CDK18: variants seen among roughly 807,000 people sequenced by gnomAD.
The protein encoded by CDK18 is cyclin-dependent kinase 18.
A neutral mutation model predicts 62.0 loss-of-function variants in CDK18; 52 were observed. That is an observed-to-expected ratio of 0.84 (90% CI 0.67 to 1.06). The LOEUF (loss-of-function observed/expected upper bound fraction) is 1.06, where lower values mean the gene tolerates loss of function less well. CDK18 is among the 50% of genes least tolerant of loss of function. The pLI is 0.00. For synonymous variants in CDK18, 237 were observed against 247.0 expected (o/e 0.96, Z 0.38); for missense variants, 604 against 619.9 (o/e 0.97, Z 0.27).
chr1:205,505,330 G>A (rs1020008402), intron 1 of CDK18, among the ~76,000 whole-genome samples: 7 of 152,190 alleles, frequency 4.6e-5, no homozygotes, highest in Non-Finnish European at 7.3e-5. Flanking sequence ...CAGGCAGGGG[G>A]TGGGAGGCCG....
At chr1:205,524,042 C>T (rs1422753913) in intron 3 of CDK18, among the ~76,000 whole-genome samples, 190 bp from the exon 4 acceptor site, 1 of 152,184 alleles carries the variant, frequency 6.6e-6, no homozygotes, top group Non-Finnish European at 1.5e-5. Flanking sequence ...ACACAGCAGC[C>T]CCGGGTGTTC....
At chr1:205,521,994 T>C (rs914689672) in intron 1 of CDK18, among the ~76,000 whole-genome samples, 10 of 151,734 alleles carry the variant, frequency 6.6e-5, no homozygotes, top group African/African-American at 2.4e-4. Context: ...CCAGCATGGG[T>C]GGAAGCCCTT....
At chr1:205,526,485 C>T (rs201306253) in intron 7 of CDK18, 24 bp downstream of exon 7, 16 of 1,564,014 alleles carry the variant, frequency 1.0e-5, no homozygotes, top group East Asian at 9.0e-5. Flanking sequence ...TGGGGCTGGC[C>T]GCCTCTCCCT....
intron 5 of CDK18, 145 bp from the exon 6 acceptor site, chr1:205,525,920 C>T (rs1668399981): frequency 1.6e-6 from 1 of 619,904 alleles, no homozygotes; most frequent in Non-Finnish European, 2.9e-6. Flanking sequence ...AGGAAGTAGG[C>T]TTTGGAGGAA....
At chr1:205,523,104 G>A in intron 1 of CDK18, 43 bp from the exon 2 acceptor site, 1 of 1,553,036 alleles carries the variant, frequency 6.4e-7, no homozygotes, top group Non-Finnish European at 8.7e-7. Context: ...TGGACTGGTT[G>A]CCTTGTTCTT....
intron 4 of CDK18, 62 bp from the exon 5 acceptor site, chr1:205,525,077 G>A (rs907152898): frequency 2.4e-5 from 28 of 1,151,306 alleles, no homozygotes; most frequent in Non-Finnish European, 3.1e-5. Flanking sequence ...TGGGGGAGGC[G>A]TCATGTCTGT....
chr1:205,510,726 C>G (rs1001155333), intron 1 of CDK18, among the ~76,000 whole-genome samples: 1 of 152,272 alleles, frequency 6.6e-6, no homozygotes, highest in South Asian at 2.1e-4. Context: ...CCTCAGTGGC[C>G]TCGGGCAGAT....
rs577095057 is a variant in CDK18 at position 205,529,360 on chromosome 1, C to A, written c.1109C>A (p.Ala370Asp). The change falls in exon 12 of 16, where the codon GCC becomes GAC. Residue 370 changes from alanine (A) to aspartate (D), a missense_variant. Ala to Asp is a moderately radical substitution (Grantham distance 126, BLOSUM62 -2). Coordinates refer to ENST00000429964, the MANE Select transcript of CDK18 (RefSeq NM_212502.3). ...GAAGAGACGTGGCCCGGCGTGACCG[C>A]CTTCTCTGAGTTCCGCACCTACAGC... is the stretch of plus-strand genomic sequence containing the variant. ...PTEETWPGVT[A>D]FSEFRTYSFP... 2.8e-5 allele frequency: 46 copies of A among 1,614,042 alleles called. 1 individual carries two copies. The South Asian group carries it at 5.1e-4, about 18-fold the overall frequency.
chr1:205,508,974 C>T (rs1321047580), intron 1 of CDK18, among the ~76,000 whole-genome samples: 5 of 151,234 alleles, frequency 3.3e-5, no homozygotes, highest in Admixed American at 6.6e-5. Context: ...CATGATGAAA[C>T]CCTGTTTCTC....
At chr1:205,512,052 AAC>A (rs1323697655) in intron 1 of CDK18, among the ~76,000 whole-genome samples, 6 of 152,098 alleles carry the variant, frequency 3.9e-5, no homozygotes, top group Non-Finnish European at 8.8e-5. Context: ...TCCAAAAGAA[AAC>A]ACACACACAC....
Position 205,526,072 on chromosome 1 carries a change from A to C in CDK18, c.464A>C (p.Tyr155Ser). ...TGTGGCCCTCCATCCCAGGGCACCT[A>C]TGCCACAGTCTTCAAAGGGCGCAGC... ...VKLDKLGEGT[Y>S]ATVFKGRSKL... The change falls in exon 6 of 16, where the codon TAT becomes TCT. Residue 155 changes from tyrosine to serine, a missense_variant. Coordinates refer to ENST00000429964, the MANE Select transcript of CDK18 (RefSeq NM_212502.3). The C allele has an allele frequency of 6.2e-7, 1 of 1,612,338 alleles. No individual in the cohort carries two copies. The highest frequency in any genetic ancestry group is 8.5e-7 in the Non-Finnish European group (1 of 1,179,176).
chr1:205,510,562 C>T (rs1667522155), intron 1 of CDK18, among the ~76,000 whole-genome samples: 1 of 152,180 alleles, frequency 6.6e-6, no homozygotes. Flanking sequence ...TGGCATGGCT[C>T]CTTCCCAAGG....
At chr1:205,529,131 AG>A (rs912875767) in intron 11 of CDK18, 35 bp downstream of exon 11, 2 of 1,524,528 alleles carry the variant, frequency 1.3e-6, no homozygotes, top group East Asian at 2.4e-5. Context: ...TCTCACCACC[AG>A]GGGGCGCCGG....
chr1:205,512,188 G>A (rs534688110), intron 1 of CDK18, among the ~76,000 whole-genome samples: 3 of 152,348 alleles, frequency 2.0e-5, no homozygotes, highest in South Asian at 2.1e-4. Context: ...ATCAGCACGC[G>A]GGTGGTGGTT....
At position 205,527,136 on chromosome 1, in the gene CDK18, G is replaced by C. The variant is rs993401187; in HGVS notation, c.729+299G>C. The C allele has an allele frequency of 1.7e-5, 7 of 411,388 alleles. No homozygotes were observed. In the East Asian group the frequency reaches 2.1e-4, roughly 12 times the overall value. 25.5% of individuals were successfully genotyped at this position (411,388 alleles called of 1,614,324 possible). On this transcript the variant is annotated intron_variant, in intron 8 of 15. Coordinates refer to ENST00000429964, the MANE Select transcript of CDK18 (RefSeq NM_212502.3). This position sits in a 1 kb window ranked among gnomAD's most constrained non-coding sequence, Gnocchi z 4.1. ...AGTGTGAGCTACCTGCCAAAATGCAGGGAGGCTTCTGGGGAAGCTCGGGGT... is the reference window on the plus strand; with the variant it reads ...AGTGTGAGCTACCTGCCAAAATGCACGGAGGCTTCTGGGGAAGCTCGGGGT...
intron 13 of CDK18, chr1:205,529,898 T>G: frequency 7.3e-7 from 1 of 1,367,618 alleles, no homozygotes; most frequent in South Asian, 1.5e-5. Flanking sequence ...ACACACTTAG[T>G]GTGGTGCCTG....
rs1179733799 is a variant in CDK18 at position 205,531,525 on chromosome 1, G to A, written c.*147G>A. Reference sequence around the variant, plus strand: ...ACCGCTTGGCAGCCCTTCTGGCCACGGCTGTTTCTTCTTTGTGCTTCCCGT... The same window carrying A: ...ACCGCTTGGCAGCCCTTCTGGCCACAGCTGTTTCTTCTTTGTGCTTCCCGT... On this transcript the variant is annotated 3_prime_UTR_variant, in exon 16 of 16. Transcript: ENST00000429964. The A allele has an allele frequency of 7.0e-6, 5 of 714,216 alleles. No individual in the cohort carries two copies. Among genetic ancestry groups the A allele is most frequent in the African/African-American group, 3.5e-5 (2 of 57,110 alleles). 44.2% of individuals were successfully genotyped at this position (714,216 alleles called of 1,614,324 possible). A position where few individuals can be genotyped will look rare whatever the true frequency, so the allele number is the denominator to read the frequency against.
chr1:205,518,997 C>T (rs1667975926), intron 1 of CDK18, among the ~76,000 whole-genome samples: 1 of 152,194 alleles, frequency 6.6e-6, no homozygotes, highest in Non-Finnish European at 1.5e-5. Flanking sequence ...CCTCCACCCC[C>T]CACTGCCGGG....
rs1667817476 is a variant in CDK18, at chr1:205,516,362, C to CTA, written c.-21-6784_-21-6783insAT. On this transcript the variant is annotated intron_variant, in intron 1 of 15. Coordinates refer to ENST00000429964, the MANE Select transcript of CDK18 (RefSeq NM_212502.3). The surrounding 1 kb of genome is among the most constrained non-coding windows in gnomAD (Gnocchi z 4.8). ...TGGGAGATAGGGTGTCATAGGGATC[C>CTA]TGGCTGGTGGTCAGCCTTCGTGACT... 6.6e-6 allele frequency among the ~76,000 whole-genome samples: 1 copy of CTA among 152,160 alleles called. No homozygotes were observed. The highest frequency in any genetic ancestry group is 1.5e-5 in the Non-Finnish European group (1 of 68,010).
Sources: gnomAD v4.1 joint callset for allele counts (sites outside exome capture counted in the v4.1 genomes callset) on GRCh38, gnomAD v4.1.1 for gene constraint, Gnocchi (gnomAD v3.1) non-coding constraint, MANE v1.5 for transcripts, NCBI Gene and HGNC (gene_info 2026-07-23, HGNC 2026-07-21) for gene names.